IQGAP2: variants seen among roughly 807,000 people sequenced by gnomAD.
IQGAP2 encodes ras GTPase-activating-like protein IQGAP2.
Under a neutral mutation model 201.3 loss-of-function variants are expected in IQGAP2, and 173 were observed. The ratio of observed to expected loss-of-function variants is 0.86; its 90% CI spans 0.76 to 0.98. The LOEUF (loss-of-function observed/expected upper bound fraction) is 0.98, where lower values mean the gene tolerates loss of function less well. IQGAP2 is among the 50% of genes least tolerant of loss of function. The probability of loss-of-function intolerance (pLI) is 0.00; values close to 1 mark genes in which losing one functional copy is unlikely to be tolerated. For missense variants in IQGAP2, 1,687 were observed against 1,864.8 expected, an observed-to-expected ratio of 0.90 and a Z score of 1.76; for synonymous variants, 675 against 673.9, an observed-to-expected ratio of 1.00 and a Z score of -0.03.
At chr5:76,674,990 TTGTA>T (rs1210939477) in intron 27 of IQGAP2, among the ~76,000 whole-genome samples, 2 of 152,224 alleles carry the variant, frequency 1.3e-5, no homozygotes, top group East Asian at 3.8e-4. Flanking sequence ...TTGTTCTTCC[TTGTA>T]TGCTACAGGC....
chr5:76,585,817 T>A (rs552625192), intron 5 of IQGAP2, among the ~76,000 whole-genome samples: 37 of 152,274 alleles, frequency 2.4e-4, no homozygotes, highest in Middle Eastern at 3.4e-3. Flanking sequence ...CCCAGCTATG[T>A]ATTCTCATTT....
chr5:76,652,309 C>T (rs994787459), intron 17 of IQGAP2, among the ~76,000 whole-genome samples: 9 of 152,212 alleles, frequency 5.9e-5, no homozygotes, highest in Admixed American at 3.3e-4. Context: ...TCCTCCTTTC[C>T]AGTCGGGGCC....
intron 12 of IQGAP2, chr5:76,608,066 C>T (rs1033749249): frequency 3.3e-5 from 5 of 152,306 alleles, no homozygotes; most frequent in African/African-American, 9.6e-5. Flanking sequence ...TCAAGTACAG[C>T]CTTTGCTTTA....
intron 2 of IQGAP2, among the ~76,000 whole-genome samples, chr5:76,522,168 A>G (rs1369998853): frequency 6.7e-6 from 1 of 148,254 alleles, no homozygotes; most frequent in Non-Finnish European, 1.5e-5. Flanking sequence ...ACCAGGAGGG[A>G]GCATATCCCT....
At chr5:76,595,243 C>CTTTTTTTTTT (rs1180358517) in intron 9 of IQGAP2, among the ~76,000 whole-genome samples, 58 of 35,294 alleles carry the variant, frequency 1.6e-3, no homozygotes, top group Non-Finnish European at 2.1e-3. Flanking sequence ...CATTTCTTTG[C>CTTTTTTTTTT]TTTTTTTTTT....
At position 76,598,455 on chromosome 5, in the gene IQGAP2, G is replaced by A. The variant is rs115369210; in HGVS notation, c.1071+853G>A. The stretch of plus-strand genomic sequence containing the variant: ...TTCATAAAACAAGAACTATACAAAT[G>A]ACAAACAAAAAAAAAGTTTAAACTC... On this transcript the variant is annotated intron_variant, in intron 10 of 35. Transcript: ENST00000274364. Among the ~76,000 whole-genome samples the A allele has an allele frequency of 8.1e-3, 1,224 of 151,222 alleles. 15 individuals carry two copies. Among genetic ancestry groups the A allele is most frequent in the African/African-American group, 0.028 (1,137 of 41,264 alleles).
chr5:76,432,890 G>T (rs141862433), intron 1 of IQGAP2, among the ~76,000 whole-genome samples: 8 of 152,310 alleles, frequency 5.3e-5, no homozygotes, highest in Non-Finnish European at 8.8e-5. Flanking sequence ...CACATATGGG[G>T]CCCCTTGCCC....
intron 2 of IQGAP2, among the ~76,000 whole-genome samples, chr5:76,497,243 A>G (rs1757042775): frequency 6.6e-6 from 1 of 152,244 alleles, no homozygotes; most frequent in Admixed American, 6.5e-5. Flanking sequence ...AACTGTTAAC[A>G]GCCACTAATG....
rs147722976 is a variant in IQGAP2 at position 76,617,774 on chromosome 5, G to A, written c.1521+6591G>A. The A allele has an allele frequency of 3.2e-4, 509 of 1,613,558 alleles. 1 individual carries two copies. The highest frequency in any genetic ancestry group is 5.0e-4 in the Middle Eastern group (3 of 6,060). ...TAATATTGCTTGGAGCAAAGCAAAT[G>A]GTAAAAATCACAAGGATGAGGAGAC... On this transcript the variant is annotated intron_variant, in intron 13 of 35. Transcript: ENST00000274364.
At chr5:76,435,698 AT>A (rs549227982) in intron 1 of IQGAP2, among the ~76,000 whole-genome samples, 11 of 151,228 alleles carry the variant, frequency 7.3e-5, no homozygotes, top group East Asian at 5.8e-4. Flanking sequence ...GAACTTTAGG[AT>A]TTTTTTTTCT....
intron 13 of IQGAP2, among the ~76,000 whole-genome samples, chr5:76,613,805 C>T (rs1185035896): frequency 3.9e-5 from 6 of 152,152 alleles, no homozygotes; most frequent in Non-Finnish European, 7.3e-5. Flanking sequence ...ACCGATTCTC[C>T]TGCCTCAGCC....
rs1364171419 is a variant in IQGAP2, at chr5:76,702,458, GTATGAATGTTCCTTTC to G, written c.4506-22_4506-7del. The G allele has an allele frequency of 1.9e-6, 2 of 1,052,158 alleles. No homozygotes were observed. Among genetic ancestry groups the G allele is most frequent in the African/African-American group, 3.1e-5 (2 of 63,866 alleles). 65.2% of individuals were successfully genotyped at this position (1,052,158 alleles called of 1,614,324 possible). ...CACATCTGTATTTGTAATTTCTCAT[GTATGAATGTTCCTTTC>G]TTCACAGGTTTAAGAATGTTACATT... On this transcript the variant is annotated splice_polypyrimidine_tract_variant and splice_region_variant and intron_variant, in intron 34 of 35. Transcript: ENST00000274364.
chr5:76,546,925 A>G (rs1299662123), intron 2 of IQGAP2, among the ~76,000 whole-genome samples: 1 of 152,120 alleles, frequency 6.6e-6, no homozygotes, highest in Non-Finnish European at 1.5e-5. Context: ...CATATGTTGG[A>G]TTCTTTTTTT....
At chr5:76,465,457 T>C (rs1360453368) in intron 2 of IQGAP2, among the ~76,000 whole-genome samples, 2 of 152,174 alleles carry the variant, frequency 1.3e-5, no homozygotes, top group Non-Finnish European at 2.9e-5. Flanking sequence ...CCATACTCAG[T>C]GGTGAAATAC....
intron 2 of IQGAP2, among the ~76,000 whole-genome samples, chr5:76,463,009 A>G (rs1754558018): frequency 1.3e-5 from 2 of 151,896 alleles, no homozygotes; most frequent in African/African-American, 4.8e-5. Context: ...AGTGGTCCCA[A>G]CCACTCCTGA....
intron 2 of IQGAP2, among the ~76,000 whole-genome samples, chr5:76,493,696 G>A (rs145832286): frequency 6.6e-6 from 1 of 152,210 alleles, no homozygotes; most frequent in African/African-American, 2.4e-5. Flanking sequence ...ATCAGCTTCT[G>A]TTTTGTTTAA....
intron 1 of IQGAP2, among the ~76,000 whole-genome samples, chr5:76,418,593 CGAA>C (rs140357728): frequency 0.4 from 58,016 of 146,190 alleles, 12,577 homozygotes; most frequent in East Asian, 0.5. Context: ...GACTCCATCT[CGAA>C]AAAAAAAAAA....
chr5:76,570,516 T>C, intron 3 of IQGAP2, 64 bp from the exon 4 acceptor site: 1 of 1,083,966 alleles, frequency 9.2e-7, no homozygotes, highest in South Asian at 1.3e-5. Flanking sequence ...AAAAAAGTTA[T>C]TGCAAATGAC....
chr5:76,700,301 C>T (rs1208488569), intron 33 of IQGAP2, among the ~76,000 whole-genome samples: 1 of 152,056 alleles, frequency 6.6e-6, no homozygotes, highest in Non-Finnish European at 1.5e-5. Context: ...TTAAGAGTAC[C>T]AGCCTCACCA....
Sources: gnomAD v4.1 joint callset for allele counts (sites outside exome capture counted in the v4.1 genomes callset) on GRCh38, gnomAD v4.1.1 for gene constraint, MANE v1.5 for transcripts, NCBI Gene and HGNC (gene_info 2026-07-23, HGNC 2026-07-21) for gene names.